TBCA: variants seen among roughly 807,000 people sequenced by gnomAD.
TBCA encodes tubulin folding cofactor A.
Under a neutral mutation model 15.8 loss-of-function variants are expected in TBCA, and 6 were observed. The ratio of observed to expected loss-of-function variants is 0.38; its 90% CI spans 0.21 to 0.75. TBCA has a LOEUF of 0.75. TBCA is among the 30% of genes least tolerant of loss of function. The pLI, the probability that TBCA is intolerant of heterozygous loss-of-function variation, is 0.46. For synonymous variants in TBCA, 32 were observed against 42.3 expected (o/e 0.76, Z 0.94); for missense variants, 90 against 131.2 (o/e 0.69, Z 1.53).
chr5:77,706,437 T>C (rs1377816921), intron 2 of TBCA, among the ~76,000 whole-genome samples: 1 of 152,106 alleles, frequency 6.6e-6, no homozygotes, highest in African/African-American at 2.4e-5. Flanking sequence ...CAGGGAGGCT[T>C]TTGCAATAAA....
chr5:77,704,215 C>T (rs1246365667), intron 2 of TBCA, among the ~76,000 whole-genome samples: 1 of 152,144 alleles, frequency 6.6e-6, no homozygotes, highest in East Asian at 1.9e-4. Context: ...AGTGATCTAC[C>T]CAGCTTGGCC....
rs553752523 is a variant in TBCA, at chr5:77,698,943, T to C, written c.160-5591A>G. On this transcript the variant is annotated intron_variant, in intron 2 of 3. Coordinates refer to ENST00000380377, the MANE Select transcript of TBCA (RefSeq NM_004607.3). ...GAGTTTGCAGGTTACAAGATCAACA[T>C]AAAAACAAAAATCAACTGCACTTTT... Among the ~76,000 whole-genome samples the C allele has an allele frequency of 3.8e-4, 44 of 116,354 alleles. 1 individual carries two copies. The highest frequency in any genetic ancestry group is 2.2e-3 in the South Asian group (8 of 3,592). 76.3% of individuals were successfully genotyped at this position (116,354 alleles called of 152,430 possible).
At chr5:77,723,048 T>C (rs1237929147) in intron 1 of TBCA, among the ~76,000 whole-genome samples, 1 of 151,730 alleles carries the variant, frequency 6.6e-6, no homozygotes, top group African/African-American at 2.4e-5. Flanking sequence ...TGAATTCACA[T>C]TTTAGTAGAA....
At chr5:77,706,763 A>G (rs985307181) in intron 2 of TBCA, among the ~76,000 whole-genome samples, 2 of 145,276 alleles carry the variant, frequency 1.4e-5, no homozygotes, top group South Asian at 4.5e-4. Context: ...GTGAGCCAAG[A>G]TTGCACCACT....
Position 77,717,029 on chromosome 5 carries a change from A to G in TBCA, c.54-8682T>C, listed in dbSNP as rs1466924255. The stretch of plus-strand genomic sequence containing the variant: ...ATATAATCCATTTTCTCACCTGGAC[A>G]TTGTCACCTGTGTGTGACACCTGCC... On this transcript the variant is annotated intron_variant, in intron 1 of 3. Transcript: ENST00000380377. 3.3e-5 allele frequency among the ~76,000 whole-genome samples: 5 copies of G among 152,264 alleles called. No homozygotes were observed. In the East Asian group the frequency reaches 9.7e-4, roughly 29 times the overall value.
chr5:77,718,675 T>C (rs1746462476), intron 1 of TBCA, among the ~76,000 whole-genome samples: 1 of 152,196 alleles, frequency 6.6e-6, no homozygotes, highest in Admixed American at 6.5e-5. Context: ...TTGAGAATTA[T>C]AGTTAAGATG....
intron 1 of TBCA, among the ~76,000 whole-genome samples, chr5:77,755,622 G>A (rs934866392): frequency 6.6e-6 from 1 of 151,964 alleles, no homozygotes; most frequent in African/African-American, 2.4e-5. Flanking sequence ...ATGTGCACAA[G>A]AACAGACCTA....
intron 1 of TBCA, among the ~76,000 whole-genome samples, chr5:77,754,609 G>C (rs906614701): frequency 2.0e-5 from 3 of 152,092 alleles, no homozygotes; most frequent in African/African-American, 4.8e-5. Flanking sequence ...TGAATTTTGG[G>C]TGATTACCTA....
chr5:77,753,214 T>C (rs1747395081), intron 1 of TBCA, among the ~76,000 whole-genome samples: 1 of 152,148 alleles, frequency 6.6e-6, no homozygotes, highest in African/African-American at 2.4e-5. Flanking sequence ...AATTTTGAGA[T>C]CAAATTTACC....
intron 1 of TBCA, among the ~76,000 whole-genome samples, chr5:77,730,454 C>T (rs1746739824): frequency 6.6e-6 from 1 of 152,216 alleles, no homozygotes; most frequent in Non-Finnish European, 1.5e-5. Context: ...AACTTCTAGC[C>T]TCTAGAAATG....
At chr5:77,729,079 C>T (rs374383397) in intron 1 of TBCA, among the ~76,000 whole-genome samples, 4 of 151,834 alleles carry the variant, frequency 2.6e-5, no homozygotes, top group African/African-American at 9.7e-5. Flanking sequence ...TTTGGGAGGC[C>T]GAGGCGAGTG....
intron 1 of TBCA, among the ~76,000 whole-genome samples, chr5:77,712,326 G>A (rs1289152234): frequency 1.3e-5 from 2 of 151,924 alleles, no homozygotes; most frequent in Non-Finnish European, 2.9e-5. Context: ...TTTCTATTAT[G>A]GTTTGAAATA....
Position 77,701,708 on chromosome 5 carries a change from T to C in TBCA, c.159+6534A>G, listed in dbSNP as rs989335328. ...ATATATATATATATATATATATATA[T>C]ATATATATATATATATATGATGGAA... On this transcript the variant is annotated intron_variant, in intron 2 of 3. Coordinates refer to ENST00000380377, the MANE Select transcript of TBCA (RefSeq NM_004607.3). 2.9e-5 allele frequency among the ~76,000 whole-genome samples: 4 copies of C among 136,010 alleles called. No homozygotes were observed. In the South Asian group the frequency reaches 7.0e-4, roughly 24 times the overall value. The allele number at this position is 136,010 out of a possible 152,430, so 89.2% of individuals were successfully genotyped here.
chr5:77,714,136 C>G (rs565674685), intron 1 of TBCA, among the ~76,000 whole-genome samples: 1 of 152,032 alleles, frequency 6.6e-6, no homozygotes, highest in East Asian at 1.9e-4. Flanking sequence ...GCCTGCCCAA[C>G]ATGGTGAAAC....
chr5:77,698,319 G>GT (rs1472665984), intron 2 of TBCA, among the ~76,000 whole-genome samples: 1 of 152,058 alleles, frequency 6.6e-6, no homozygotes, highest in African/African-American at 2.4e-5. Flanking sequence ...TATAAATGAT[G>GT]TTATAATATT....
chr5:77,709,289 C>T (rs1212968218), intron 1 of TBCA, among the ~76,000 whole-genome samples: 1 of 152,090 alleles, frequency 6.6e-6, no homozygotes, highest in Non-Finnish European at 1.5e-5. Flanking sequence ...AAAAGAAGTA[C>T]ATCAGGAAAA....
At chr5:77,727,239 GAAAAAAA>G (rs35477479) in intron 1 of TBCA, among the ~76,000 whole-genome samples, 2 of 81,042 alleles carry the variant, frequency 2.5e-5, no homozygotes, top group Non-Finnish European at 4.6e-5. Flanking sequence ...TCTGTCTCAG[GAAAAAAA>G]AAAAAAAAAA....
At chr5:77,740,608 T>C (rs1411992851) in intron 1 of TBCA, among the ~76,000 whole-genome samples, 1 of 152,172 alleles carries the variant, frequency 6.6e-6, no homozygotes, top group African/African-American at 2.4e-5. Context: ...TTTTTTATCA[T>C]GTTGTGTTTA....
At chr5:77,708,595 A>C in intron 1 of TBCA, 1 of 218,378 alleles carries the variant, frequency 4.6e-6, no homozygotes, top group Non-Finnish European at 9.1e-6. Context: ...TCTTTGAGAC[A>C]GTCTCGCTCT....
Sources: gnomAD v4.1 joint callset for allele counts (sites outside exome capture counted in the v4.1 genomes callset) on GRCh38, gnomAD v4.1.1 for gene constraint, MANE v1.5 for transcripts, NCBI Gene and HGNC (gene_info 2026-07-23, HGNC 2026-07-21) for gene names.